The following EMSY variants were observed in gnomAD, a reference collection of about 807,000 sequenced individuals.
EMSY encodes BRCA2-interacting transcriptional repressor EMSY.
Under a neutral mutation model 134.6 loss-of-function variants are expected in EMSY, and 26 were observed. That is an observed-to-expected ratio of 0.19 (90% CI 0.14 to 0.27). The LOEUF is 0.27. EMSY is among the 10% of genes least tolerant of loss of function. The pLI is 1.00. For missense variants in EMSY, 1,305 were observed against 1,611.4 expected, an observed-to-expected ratio of 0.81 and a Z score of 3.26; for synonymous variants, 579 against 577.8, an observed-to-expected ratio of 1.00 and a Z score of -0.03.
intron 7 of EMSY, among the ~76,000 whole-genome samples, chr11:76,466,557 G>A (rs1299218646): frequency 6.6e-6 from 1 of 152,154 alleles, no homozygotes; most frequent in Non-Finnish European, 1.5e-5. Flanking sequence ...TGTGTTCGGT[G>A]TATGGTCTTT....
chr11:76,446,790 T>C (rs1250180112), intron 1 of EMSY, 110 bp from the exon 2 acceptor site: 2 of 612,158 alleles, frequency 3.3e-6, no homozygotes, highest in Non-Finnish European at 5.7e-6. Context: ...TGTAAAATAG[T>C]AATATCTTTT....
chr11:76,474,643 CTCAA>C (rs1308465554), intron 8 of EMSY, among the ~76,000 whole-genome samples: 4 of 152,126 alleles, frequency 2.6e-5, no homozygotes, highest in Non-Finnish European at 5.9e-5. Flanking sequence ...CATTTAATGT[CTCAA>C]TCAATGACAA....
At chr11:76,478,321 CTTTTTACCCATGTGAATAATTTTTT>C (rs1948843490) in intron 8 of EMSY, among the ~76,000 whole-genome samples, 1 of 151,324 alleles carries the variant, frequency 6.6e-6, no homozygotes, top group Non-Finnish European at 1.5e-5. Context: ...ATATTATTAC[CTTTTTACCCATGTGAATAATTTTTT>C]TTTTTTTTTT....
rs80246044 is a variant in EMSY, at chr11:76,503,041, C to T, written c.1363+6572C>T. On this transcript the variant is annotated intron_variant, in intron 9 of 20. Transcript: ENST00000334736. Reference sequence around the variant, plus strand: ...GGAGCCCCAGCATGGTGGCTCCTCCCGGTAATTCCAGCACTTTGTGGGGCT... The same window carrying T: ...GGAGCCCCAGCATGGTGGCTCCTCCTGGTAATTCCAGCACTTTGTGGGGCT... Among the ~76,000 whole-genome samples the T allele has an allele frequency of 5.9e-3, 895 of 152,120 alleles. 16 individuals carry two copies. Among genetic ancestry groups the T allele is most frequent in the East Asian group, 0.059 (303 of 5,178 alleles).
At chr11:76,495,072 CT>C (rs749107888) in intron 8 of EMSY, among the ~76,000 whole-genome samples, 3 of 152,266 alleles carry the variant, frequency 2.0e-5, no homozygotes, top group Non-Finnish European at 1.5e-5. Flanking sequence ...TGTGATTGAT[CT>C]TGATCTGCAC....
At chr11:76,521,277 A>C (rs374846239) in intron 11 of EMSY, among the ~76,000 whole-genome samples, 10 of 152,278 alleles carry the variant, frequency 6.6e-5, no homozygotes, top group African/African-American at 2.4e-4. Flanking sequence ...AACATGAGGG[A>C]AAGTTAGAAC....
intron 16 of EMSY, 119 bp downstream of exon 17, chr11:76,538,069 C>A: frequency 1.1e-6 from 1 of 897,430 alleles, no homozygotes; most frequent in Non-Finnish European, 1.6e-6. Context: ...TCTTTGTTTT[C>A]AGAGCAAATT....
intron 14 of EMSY, among the ~76,000 whole-genome samples, chr11:76,531,232 AATT>A (rs774351683): frequency 4.7e-4 from 72 of 152,342 alleles, no homozygotes; most frequent in Admixed American, 2.0e-3. Flanking sequence ...ATGTTATAAT[AATT>A]ATCTAATTTA....
At chr11:76,461,860 A>T (rs1193199127) in intron 6 of EMSY, among the ~76,000 whole-genome samples, 2 of 151,994 alleles carry the variant, frequency 1.3e-5, no homozygotes, top group African/African-American at 2.4e-5. Flanking sequence ...TGAACCTGGG[A>T]GGCAGAGGTT....
intron 9 of EMSY, among the ~76,000 whole-genome samples, chr11:76,506,982 A>G (rs897413958): frequency 6.6e-6 from 1 of 152,228 alleles, no homozygotes; most frequent in African/African-American, 2.4e-5. Context: ...GGCGTACTTT[A>G]TAGAGTTTAC....
chr11:76,520,340 T>TA (rs900430647), intron 11 of EMSY, among the ~76,000 whole-genome samples: 52 of 152,248 alleles, frequency 3.4e-4, no homozygotes, highest in African/African-American at 1.3e-3. Flanking sequence ...TTTTAGTAGG[T>TA]AAAAATATAA....
chr11:76,458,719 G>A (rs1303329983), intron 5 of EMSY: 1 of 159,986 alleles, frequency 6.3e-6, no homozygotes, highest in African/African-American at 2.4e-5. Context: ...TGAACTGATA[G>A]CTTTAGAAAA....
At chr11:76,485,151 C>T (rs914840539) in intron 8 of EMSY, among the ~76,000 whole-genome samples, 3 of 152,138 alleles carry the variant, frequency 2.0e-5, no homozygotes, top group African/African-American at 7.2e-5. Flanking sequence ...CCTTATGAAA[C>T]TATTCCAAGC....
chr11:76,535,580 C>T (rs1028720926), intron 14 of EMSY, among the ~76,000 whole-genome samples: 6 of 152,164 alleles, frequency 3.9e-5, no homozygotes, highest in African/African-American at 1.4e-4. Context: ...TGTCCGTCTC[C>T]CCAGCCAGAC....
intron 16 of EMSY, among the ~76,000 whole-genome samples, chr11:76,538,248 T>C (rs957351844): frequency 6.6e-6 from 1 of 151,978 alleles, no homozygotes; most frequent in African/African-American, 2.4e-5. Flanking sequence ...GAATGAGTTT[T>C]GTTTGTTTTT....
At chr11:76,535,517 G>C (rs143573498) in intron 14 of EMSY, among the ~76,000 whole-genome samples, 12 of 152,068 alleles carry the variant, frequency 7.9e-5, no homozygotes, top group Non-Finnish European at 1.5e-4. Flanking sequence ...ACACATATGC[G>C]TATCTATTTA....
chr11:76,481,455 A>T (rs1948976776), intron 8 of EMSY, among the ~76,000 whole-genome samples: 1 of 152,162 alleles, frequency 6.6e-6, no homozygotes, highest in Admixed American at 6.6e-5. Context: ...TAGCTCAGCA[A>T]ATCCCAACCC....
At chr11:76,520,351 T>C (rs1350466892) in intron 11 of EMSY, among the ~76,000 whole-genome samples, 1 of 152,144 alleles carries the variant, frequency 6.6e-6, no homozygotes, top group Non-Finnish European at 1.5e-5. Context: ...AAAAATATAA[T>C]TCATTTGTTA....
chr11:76,498,495 T>C (rs1565319136), intron 9 of EMSY, among the ~76,000 whole-genome samples: 1 of 152,232 alleles, frequency 6.6e-6, no homozygotes, highest in Non-Finnish European at 1.5e-5. Flanking sequence ...ACATGTATTA[T>C]ATTTTGATAT....
Sources: gnomAD v4.1 joint callset for allele counts (sites outside exome capture counted in the v4.1 genomes callset) on GRCh38, gnomAD v4.1.1 for gene constraint, MANE v1.5 for transcripts, NCBI Gene and HGNC (gene_info 2026-07-23, HGNC 2026-07-21) for gene names.